Variants in RGS12 observed in about 807,000 individuals in gnomAD.
RGS12 encodes the protein regulator of G protein signaling 12, also known as regulator of G-protein signaling 12.
A neutral mutation model predicts 120.1 loss-of-function variants in RGS12; 66 were observed. The ratio of observed to expected loss-of-function variants is 0.55; its 90% CI spans 0.45 to 0.67. The LOEUF (loss-of-function observed/expected upper bound fraction) is 0.67. Among genes scored for constraint, RGS12 ranks in the 30% least tolerant of loss-of-function variants. The pLI, the probability that RGS12 is intolerant of heterozygous loss-of-function variation, is 0.00. For missense variants in RGS12, 1,859 were observed against 1,957.7 expected (o/e 0.95, Z 0.95); for synonymous variants, 827 against 804.7 (o/e 1.03, Z -0.47).
In RGS12 at chr4:3,316,309, G is replaced by A. The variant is rs200218411; in HGVS notation, c.139G>A (p.Val47Ile). Residue 47 changes from valine to isoleucine, a missense_variant, in exon 2 of 18, where the codon GTC becomes ATC. Transcript: ENST00000336727. Reference protein sequence around the residue: ...SGQAPCVLSCVMRGSPADFVG... With the variant: ...SGQAPCVLSCIMRGSPADFVG... ...ACAGGCACCCTGTGTGCTCAGCTGC[G>A]TCATGAGAGGGAGCCCTGCGGATTT... 28 of 1,614,044 alleles carry A rather than the reference G, an allele frequency of 1.7e-5. No individual in the cohort carries two copies. The highest frequency in any genetic ancestry group is 2.2e-5 in the East Asian group (1 of 44,904).
At chr4:3,371,623 C>T (rs1716997989) in intron 3 of RGS12, among the ~76,000 whole-genome samples, 1 of 152,144 alleles carries the variant, frequency 6.6e-6, no homozygotes, top group Non-Finnish European at 1.5e-5. Flanking sequence ...GGTCGTCAGG[C>T]ATCAGAAGTG....
At chr4:3,296,658 T>A (rs1159423194) in intron 1 of RGS12, among the ~76,000 whole-genome samples, 1 of 152,258 alleles carries the variant, frequency 6.6e-6, no homozygotes, top group African/African-American at 2.4e-5. Flanking sequence ...GCTCCTCACT[T>A]GTCTTCGAAA....
At chr4:3,332,152 C>A (rs1053751712) in intron 2 of RGS12, among the ~76,000 whole-genome samples, 5 of 152,162 alleles carry the variant, frequency 3.3e-5, no homozygotes, top group South Asian at 2.1e-4. Context: ...ACCAGTGTGG[C>A]CCCTTCACTG....
At chr4:3,382,394 G>A (rs1028958252) in intron 3 of RGS12, among the ~76,000 whole-genome samples, 1 of 152,200 alleles carries the variant, frequency 6.6e-6, no homozygotes, top group African/African-American at 2.4e-5. Context: ...CCCAGCCGTG[G>A]CCTGGAAGCG....
chr4:3,411,716 T>A (rs1397528127), intron 4 of RGS12, among the ~76,000 whole-genome samples: 1 of 152,260 alleles, frequency 6.6e-6, no homozygotes, highest in East Asian at 1.9e-4. Context: ...AAGTTGAGTG[T>A]GTGTGAGAGT....
upstream of RGS12, among the ~76,000 whole-genome samples, chr4:3,289,605 A>G (rs1373397760): frequency 6.6e-6 from 1 of 152,222 alleles, no homozygotes; most frequent in Admixed American, 6.5e-5. Context: ...ATGCTTTGAT[A>G]TATGTTTACA....
intron 13 of RGS12, among the ~76,000 whole-genome samples, chr4:3,424,148 G>C (rs1026876336): frequency 6.6e-6 from 1 of 152,262 alleles, no homozygotes; most frequent in African/African-American, 2.4e-5. Context: ...AAAACACCGC[G>C]TGGGGTGGTG....
intron 9 of RGS12, among the ~76,000 whole-genome samples, chr4:3,420,209 C>T (rs1225162356): frequency 6.6e-6 from 1 of 152,164 alleles, no homozygotes; most frequent in Non-Finnish European, 1.5e-5. Context: ...GCTGTTGCCA[C>T]AGTTGGGGGT....
intron 9 of RGS12, 34 bp downstream of exon 9, chr4:3,417,575 GGCCAGGCAGCCGCGTCCCCGTC>G: frequency 6.2e-7 from 1 of 1,604,038 alleles, no homozygotes. Context: ...GTGGTGTCCA[GGCCAGGCAGCCGCGTCCCCGTC>G]CTGGCGTCGC....
chr4:3,294,222 G>A lies in RGS12; in HGVS notation c.-102+1123G>A, dbSNP rs542781223. On this transcript the variant is annotated intron_variant, in intron 1 of 17. Coordinates refer to ENST00000336727, the MANE Select transcript of RGS12 (RefSeq NM_001394154.1). ...AGGGCCCTTCTGAGGCCACAGGGACGTGCAGGATGGCCGGCAAGGCCTGCA... is the reference window on the plus strand; with the variant it reads ...AGGGCCCTTCTGAGGCCACAGGGACATGCAGGATGGCCGGCAAGGCCTGCA... Among the ~76,000 whole-genome samples, 11 of 152,382 alleles carry A rather than the reference G, an allele frequency of 7.2e-5. No homozygotes were observed. The South Asian group carries it at 2.3e-3, about 32-fold the overall frequency.
chr4:3,384,750 G>A (rs548993852), intron 3 of RGS12, among the ~76,000 whole-genome samples: 1 of 152,350 alleles, frequency 6.6e-6, no homozygotes, highest in Admixed American at 6.5e-5. Context: ...CTGGCCCCAG[G>A]TGGTCTCACA....
chr4:3,378,318 AAC>A (rs1248030956), intron 3 of RGS12: 1 of 152,194 alleles, frequency 6.6e-6, no homozygotes, highest in Non-Finnish European at 1.5e-5. Context: ...CCTAGGAGAA[AAC>A]ACAGGGGAAA....
At chr4:3,375,017 C>T (rs538058460) in intron 3 of RGS12, among the ~76,000 whole-genome samples, 1 of 152,290 alleles carries the variant, frequency 6.6e-6, no homozygotes, top group East Asian at 1.9e-4. Flanking sequence ...TGCCATGCAC[C>T]GCCTGTCCCT....
At chr4:3,403,577 C>T (rs997109905) in intron 4 of RGS12, among the ~76,000 whole-genome samples, 1 of 152,230 alleles carries the variant, frequency 6.6e-6, no homozygotes, top group Non-Finnish European at 1.5e-5. Flanking sequence ...AGCATGTAAA[C>T]ACTTTTCTGA....
intron 17 of RGS12, chr4:3,431,636 A>G (rs879497412): frequency 1.3e-5 from 13 of 985,438 alleles, no homozygotes; most frequent in Non-Finnish European, 1.6e-5. Flanking sequence ...AATACCAGAA[A>G]CTGAGGCGAG....
At chr4:3,367,342 C>G (rs998586846) in intron 3 of RGS12, among the ~76,000 whole-genome samples, 3 of 152,284 alleles carry the variant, frequency 2.0e-5, no homozygotes, top group African/African-American at 7.2e-5. Context: ...TCTCTTCACG[C>G]CCCGTCCTGG....
chr4:3,287,230 T>A, the RGS12 span, among the ~76,000 whole-genome samples: 1,848 of 152,356 alleles, frequency 0.012, 27 homozygotes, highest in African/African-American at 0.033. Context: ...GAGCAACATT[T>A]AAAACATTTC....
chr4:3,300,678 C>T (rs1018027857), intron 1 of RGS12, among the ~76,000 whole-genome samples: 7 of 152,190 alleles, frequency 4.6e-5, no homozygotes, highest in Non-Finnish European at 1.0e-4. Flanking sequence ...CCAGGGCTCC[C>T]GGCATTGCTA....
rs1327116240 is a variant in RGS12, at chr4:3,362,692, TGA to T, written c.1998+19641_1998+19642del. ...CTGAGTGTGAGGGTGAGGGTGTGTG[TGA>T]GGGTGTGTGTGAGGCTGTGTGAGGG... On this transcript the variant is annotated intron_variant, in intron 3 of 17. Coordinates refer to ENST00000336727, the MANE Select transcript of RGS12 (RefSeq NM_001394154.1). 6.7e-5 allele frequency among the ~76,000 whole-genome samples: 9 copies of T among 133,954 alleles called. No individual in the cohort carries two copies. The Admixed American group carries it at 6.8e-4, about 10-fold the overall frequency. The allele number at this position is 133,954 out of a possible 152,430, so 87.9% of individuals were successfully genotyped here.
Sources: gnomAD v4.1 joint callset for allele counts (sites outside exome capture counted in the v4.1 genomes callset) on GRCh38, gnomAD v4.1.1 for gene constraint, MANE v1.5 for transcripts, NCBI Gene and HGNC (gene_info 2026-07-23, HGNC 2026-07-21) for gene names.